Variants in RAD51B observed in about 807,000 individuals in gnomAD.
RAD51B encodes RAD51 paralog B.
RAD51B carries 38 observed loss-of-function variants against 42.2 expected under a neutral mutation model. That is an observed-to-expected ratio of 0.90 (90% CI 0.70 to 1.18). RAD51B has a LOEUF of 1.18. Among genes scored for constraint, RAD51B ranks in the 50% most tolerant of loss-of-function variants. The pLI is 0.00. For missense variants in RAD51B, 373 were observed against 400.7 expected, an observed-to-expected ratio of 0.93 and a Z score of 0.59; for synonymous variants, 154 against 145.2, an observed-to-expected ratio of 1.06 and a Z score of -0.43.
intron 10 of RAD51B, among the ~76,000 whole-genome samples, chr14:68,619,330 C>A (rs1566956837): frequency 1.3e-5 from 2 of 151,522 alleles, no homozygotes; most frequent in Non-Finnish European, 2.9e-5. Context: ...AAAAAATTAT[C>A]CAGGCGCCTG....
intron 7 of RAD51B, among the ~76,000 whole-genome samples, chr14:68,036,435 A>T (rs1347202323): frequency 1.3e-5 from 2 of 152,208 alleles, no homozygotes; most frequent in Non-Finnish European, 2.9e-5. Context: ...CTGTTTAGTT[A>T]TTCTTTGCCT....
At chr14:68,681,869 A>G (rs1479767244) in intron 11 of RAD51B, among the ~76,000 whole-genome samples, 3 of 152,188 alleles carry the variant, frequency 2.0e-5, no homozygotes, top group Admixed American at 6.5e-5. Flanking sequence ...TGCCATGCAT[A>G]TGAAAGATAT....
chr14:67,849,441 C>A (rs1219367165), intron 4 of RAD51B, among the ~76,000 whole-genome samples: 1 of 152,234 alleles, frequency 6.6e-6, no homozygotes, highest in Admixed American at 6.5e-5. Flanking sequence ...GCCACCACAC[C>A]CAGCTAATTT....
rs2139715771 is a variant in RAD51B at position 68,308,147 on chromosome 14, A to T, written c.853+16167A>T. On this transcript the variant is annotated intron_variant, in intron 8 of 10. Transcript: ENST00000471583. ...GTTTTCTAAATAATATCAAGGATAG[A>T]ATTACATAACTCCCAACTTGAGTAT... 1.3e-5 allele frequency among the ~76,000 whole-genome samples: 2 copies of T among 152,308 alleles called. 1 individual carries two copies. The highest frequency in any genetic ancestry group is 2.9e-5 in the Non-Finnish European group (2 of 68,032).
At chr14:68,587,812 A>T (rs913210460) in intron 10 of RAD51B, among the ~76,000 whole-genome samples, 8 of 152,250 alleles carry the variant, frequency 5.3e-5, no homozygotes, top group African/African-American at 9.6e-5. Flanking sequence ...AGCATAGCTG[A>T]CTGGGCTGCA....
intron 10 of RAD51B, among the ~76,000 whole-genome samples, chr14:68,526,035 T>G (rs965477220): frequency 6.6e-6 from 1 of 152,178 alleles, no homozygotes; most frequent in Non-Finnish European, 1.5e-5. Flanking sequence ...TCTGTGACAT[T>G]GGGAAAGTTG....
At chr14:68,441,755 AT>A (rs1384650684) in intron 9 of RAD51B, among the ~76,000 whole-genome samples, 2 of 152,168 alleles carry the variant, frequency 1.3e-5, no homozygotes, top group Non-Finnish European at 2.9e-5. Flanking sequence ...CTATAAGAGA[AT>A]TTCATGATCT....
At chr14:68,627,218 C>T (rs937825567) in intron 10 of RAD51B, 1 of 152,224 alleles carries the variant, frequency 6.6e-6, no homozygotes, top group Admixed American at 6.5e-5. Context: ...TTAAGGGACA[C>T]AATCTGGTGC....
intron 7 of RAD51B, among the ~76,000 whole-genome samples, chr14:67,942,766 A>G (rs8020512): frequency 0.069 from 10,454 of 152,274 alleles, 875 homozygotes; most frequent in African/African-American, 0.2. Flanking sequence ...ACATTTATAC[A>G]TATAGCAAAT....
chr14:68,153,959 G>A (rs1233911029), intron 7 of RAD51B, among the ~76,000 whole-genome samples: 1 of 152,140 alleles, frequency 6.6e-6, no homozygotes, highest in African/African-American at 2.4e-5. Context: ...GAATCTCTTT[G>A]TCAATAAGCC....
intron 10 of RAD51B, among the ~76,000 whole-genome samples, chr14:68,574,516 C>T (rs1889872694): frequency 6.6e-6 from 1 of 152,130 alleles, no homozygotes; most frequent in Non-Finnish European, 1.5e-5. Flanking sequence ...GGATCTCTAC[C>T]AAAAAGATAG....
At chr14:68,247,782 C>T (rs2080530936) in intron 7 of RAD51B, among the ~76,000 whole-genome samples, 1 of 152,116 alleles carries the variant, frequency 6.6e-6, no homozygotes, top group African/African-American at 2.4e-5. Flanking sequence ...ATCCTGAAAG[C>T]ACTTATTTAA....
chr14:68,366,767 T>C (rs1027497085), intron 8 of RAD51B, among the ~76,000 whole-genome samples: 6 of 152,242 alleles, frequency 3.9e-5, no homozygotes, highest in South Asian at 2.1e-4. Flanking sequence ...GAGGTTCTTA[T>C]GTTGCTCGCA....
At chr14:68,586,985 C>T (rs576541795) in intron 10 of RAD51B, among the ~76,000 whole-genome samples, 3 of 151,558 alleles carry the variant, frequency 2.0e-5, no homozygotes, top group Admixed American at 6.6e-5. Flanking sequence ...GCCGAGATCG[C>T]GCCATTGTAC....
intron 10 of RAD51B, among the ~76,000 whole-genome samples, chr14:68,539,620 G>A (rs1424294250): frequency 2.6e-5 from 4 of 152,194 alleles, no homozygotes; most frequent in African/African-American, 9.7e-5. Context: ...TAGCAGCAGG[G>A]TCAGGGCAGG....
At chr14:68,039,413 C>T (rs990047417) in intron 7 of RAD51B, among the ~76,000 whole-genome samples, 16 of 125,084 alleles carry the variant, frequency 1.3e-4, no homozygotes, top group African/African-American at 5.2e-4. Flanking sequence ...GGTGACAGAG[C>T]GAGACTTCAT....
chr14:68,643,471 G>C (rs1391471357), intron 10 of RAD51B, among the ~76,000 whole-genome samples: 1 of 152,146 alleles, frequency 6.6e-6, no homozygotes, highest in Admixed American at 6.5e-5. Context: ...GTCATTTAAG[G>C]AGACCAGAGG....
At chr14:68,176,318 A>G (rs2078961961) in intron 7 of RAD51B, among the ~76,000 whole-genome samples, 1 of 152,218 alleles carries the variant, frequency 6.6e-6, no homozygotes, top group South Asian at 2.1e-4. Flanking sequence ...AATAGTAAAT[A>G]GTAGAACTGG....
chr14:67,892,155 A>G (rs1010514519), intron 7 of RAD51B, among the ~76,000 whole-genome samples: 1 of 152,198 alleles, frequency 6.6e-6, no homozygotes, highest in Non-Finnish European at 1.5e-5. Context: ...TTTCTTTTCC[A>G]TAAATGCTTA....
Sources: allele counts gnomAD v4.1 joint callset (sites outside exome capture counted in the v4.1 genomes callset), GRCh38; gene constraint gnomAD v4.1.1; transcripts MANE v1.5; gene names NCBI Gene and HGNC (gene_info 2026-07-23, HGNC 2026-07-21).